ZNF141: variants seen among roughly 807,000 people sequenced by gnomAD.
The protein encoded by ZNF141 is zinc finger protein 141 (clone pHZ-44).
Under a neutral mutation model 11.3 loss-of-function variants are expected in ZNF141, and 7 were observed. The ratio of observed to expected loss-of-function variants is 0.62; its 90% CI spans 0.35 to 1.16. The LOEUF is 1.16. ZNF141 is among the 50% of genes most tolerant of loss of function. The probability of loss-of-function intolerance (pLI) is 0.02; values close to 1 mark genes in which losing one functional copy is unlikely to be tolerated. For synonymous variants in ZNF141, 183 were observed against 190.7 expected (o/e 0.96, Z 0.33); for missense variants, 535 against 554.0 (o/e 0.97, Z 0.34).
intron 3 of ZNF141, among the ~76,000 whole-genome samples, chr4:359,324 C>A (rs941433797): frequency 3.9e-5 from 6 of 152,188 alleles, no homozygotes; most frequent in Admixed American, 6.5e-5. Context: ...TTAATATCTG[C>A]AAATGGAGAT....
At chr4:356,797 G>A (rs1457603011) in intron 3 of ZNF141, among the ~76,000 whole-genome samples, 1 of 151,584 alleles carries the variant, frequency 6.6e-6, no homozygotes, top group African/African-American at 2.4e-5. Context: ...AGTGGTTTCT[G>A]TTTTTTAATT....
At chr4:366,139 T>C (rs1711730791) in intron 3 of ZNF141, among the ~76,000 whole-genome samples, 1 of 152,236 alleles carries the variant, frequency 6.6e-6, no homozygotes, top group African/African-American at 2.4e-5. Flanking sequence ...CCTGGTTAAT[T>C]TTAAGCTTGT....
intron 3 of ZNF141, among the ~76,000 whole-genome samples, chr4:352,254 G>A (rs1335013181): frequency 6.6e-6 from 1 of 152,172 alleles, no homozygotes; most frequent in African/African-American, 2.4e-5. Flanking sequence ...GGGCGTGGTG[G>A]TGGGCACCTG....
chr4:359,371 T>C (rs994183579), intron 3 of ZNF141, among the ~76,000 whole-genome samples: 1 of 152,198 alleles, frequency 6.6e-6, no homozygotes, highest in Non-Finnish European at 1.5e-5. Context: ...TGGCTCCTGC[T>C]GTTTGGCTCT....
intron 3 of ZNF141, among the ~76,000 whole-genome samples, chr4:357,021 C>T (rs1265096575): frequency 6.6e-6 from 1 of 152,118 alleles, no homozygotes. Context: ...GTGGTGCATT[C>T]ACAGTTGAGT....
At chr4:346,893 A>ACCCAC (rs781896435) in intron 3 of ZNF141, among the ~76,000 whole-genome samples, 2 of 135,436 alleles carry the variant, frequency 1.5e-5, no homozygotes, top group African/African-American at 3.2e-5. Flanking sequence ...ACACACACAC[A>ACCCAC]CCGCCCCCCC....
At chr4:358,619 C>A in intron 3 of ZNF141, 1 of 154,246 alleles carries the variant, frequency 6.5e-6, no homozygotes, top group East Asian at 1.9e-4. Flanking sequence ...TGTTCTGTTG[C>A]CAAGCTGGAG....
In ZNF141 at chr4:377,063, T is replaced by C. The variant is rs1712406002; in HGVS notation, c.*3201T>C. On this transcript the variant is annotated 3_prime_UTR_variant, in exon 4 of 4. Transcript: ENST00000240499. ...TAGATGTAATTTCATAATATATGTA[T>C]TAAGTTATTTTAGTTAGAACATTTC... is the stretch of plus-strand genomic sequence containing the variant. 1.3e-5 allele frequency among the ~76,000 whole-genome samples: 2 copies of C among 152,218 alleles called. No individual in the cohort carries two copies.
chr4:376,821 A>G lies in ZNF141; in HGVS notation c.*2959A>G, dbSNP rs1172977240. On this transcript the variant is annotated 3_prime_UTR_variant, in exon 4 of 4. Coordinates refer to ENST00000240499, the MANE Select transcript of ZNF141 (RefSeq NM_003441.4). ...GAAATCTAGAAGCCTGAAACATTCT[A>G]TATTTTCTTCTTTTTATTTAATGAC... is the stretch of plus-strand genomic sequence containing the variant. Among the ~76,000 whole-genome samples, 1 of 152,090 alleles carries G rather than the reference A, an allele frequency of 6.6e-6. No homozygotes were observed. The highest frequency in any genetic ancestry group is 2.4e-5 in the African/African-American group (1 of 41,450).
intron 3 of ZNF141, chr4:358,122 AT>A (rs1222657231): frequency 1.5e-5 from 5 of 334,772 alleles, no homozygotes; most frequent in Non-Finnish European, 2.8e-5. Context: ...TTGTTGTTAA[AT>A]TTTTTAGTTC....
rs114249806 is a variant in ZNF141, at chr4:382,358, A to G, written c.*8496A>G. On this transcript the variant is annotated 3_prime_UTR_variant, in exon 4 of 4. Transcript: ENST00000240499. ...TCGAAGCATACTCTGCTGGTTGGCT[A>G]AATTGCACTGGGAAAAAATAGCAGC... 0.014 allele frequency among the ~76,000 whole-genome samples: 2,202 copies of G among 152,240 alleles called. 57 individuals are homozygous for G. The highest frequency in any genetic ancestry group is 0.049 in the African/African-American group (2,021 of 41,540).
Position 373,372 on chromosome 4 carries a change from A to G in ZNF141, c.935A>G (p.Lys312Arg). The G allele has an allele frequency of 6.2e-7, 1 of 1,613,316 alleles. No homozygotes were observed. Among genetic ancestry groups the G allele is most frequent in the East Asian group, 2.2e-5 (1 of 44,804 alleles). The change falls in exon 4 of 4, where the codon AAA becomes AGA. Residue 312 changes from lysine (K) to arginine (R), a missense_variant. Coordinates refer to ENST00000240499, the MANE Select transcript of ZNF141 (RefSeq NM_003441.4). ...ATTCATACTGGAGAGAAACCCTACA[A>G]ATGTGAAGAATGTGGCAAAGCCTTT... Reference protein sequence around the residue: ...KRIHTGEKPYKCEECGKAFNR... With the variant: ...KRIHTGEKPYRCEECGKAFNR...
At position 380,905 on chromosome 4, in the gene ZNF141, G is replaced by A. The variant is rs59112282; in HGVS notation, c.*7043G>A. Among the ~76,000 whole-genome samples, 25,125 of 151,878 alleles carry A rather than the reference G, an allele frequency of 0.17. 2,803 individuals are homozygous for A. Among genetic ancestry groups the A allele is most frequent in the African/African-American group, 0.32 (13,230 of 41,358 alleles). On this transcript the variant is annotated 3_prime_UTR_variant, in exon 4 of 4. Coordinates refer to ENST00000240499, the MANE Select transcript of ZNF141 (RefSeq NM_003441.4). ...GTTGTCATATATGTGTGTGCAAAAC[G>A]TATAAAATATACAGAAAAGAGAAAT...
At chr4:367,644 G>T (rs1413061440) in intron 3 of ZNF141, among the ~76,000 whole-genome samples, 1 of 151,822 alleles carries the variant, frequency 6.6e-6, no homozygotes. Flanking sequence ...AGCCTCCTGA[G>T]TAGCTGGGAT....
In ZNF141 at chr4:374,254, C is replaced by A; in HGVS notation, c.*392C>A. ...CAAAGCATTTAATTGGTCCTCAATGCTTAATAAATATAATTCATGCTGGAG... is the reference window on the plus strand; with the variant it reads ...CAAAGCATTTAATTGGTCCTCAATGATTAATAAATATAATTCATGCTGGAG... On this transcript the variant is annotated 3_prime_UTR_variant, in exon 4 of 4. Transcript: ENST00000240499. 1 of 303,590 alleles carries A rather than the reference C, an allele frequency of 3.3e-6. No homozygotes were observed. The highest frequency in any genetic ancestry group is 6.5e-6 in the Non-Finnish European group (1 of 154,528). 18.8% of individuals were successfully genotyped at this position (303,590 alleles called of 1,614,324 possible). A position where few individuals can be genotyped will look rare whatever the true frequency, so the allele number is the denominator to read the frequency against.
rs1158907854 is a variant in ZNF141 at position 384,663 on chromosome 4, CTG to C, written c.*10804_*10805del. On this transcript the variant is annotated 3_prime_UTR_variant, in exon 4 of 4. Transcript: ENST00000240499. Reference sequence around the variant, plus strand: ...ATGGGTAATAACCAAGATGGAGTCACTGTGGTCAACTCCAGGCATGCACAGAT... The same window carrying C: ...ATGGGTAATAACCAAGATGGAGTCACTGGTCAACTCCAGGCATGCACAGAT... The C allele has an allele frequency of 6.6e-6, 1 of 152,186 alleles. No individual in the cohort carries two copies. Among genetic ancestry groups the C allele is most frequent in the Non-Finnish European group, 1.5e-5 (1 of 68,054 alleles). 9.4% of individuals were successfully genotyped at this position (152,186 alleles called of 1,614,324 possible). A position where few individuals can be genotyped will look rare whatever the true frequency, so the allele number is the denominator to read the frequency against.
Position 374,431 on chromosome 4 carries a change from G to T in ZNF141, c.*569G>T, listed in dbSNP as rs782680427. 8.6e-6 allele frequency: 3 copies of T among 347,720 alleles called. No homozygotes were observed. The highest frequency in any genetic ancestry group is 1.8e-5 in the Non-Finnish European group (3 of 170,258). The allele number at this position is 347,720 out of a possible 1,614,324, so 21.5% of individuals were successfully genotyped here. On this transcript the variant is annotated 3_prime_UTR_variant, in exon 4 of 4. Coordinates refer to ENST00000240499, the MANE Select transcript of ZNF141 (RefSeq NM_003441.4). ...TCCTCAAACTTTGTTAAACATAAGA[G>T]AATTTATACCAGAGAGAAACCCTAC...
chr4:358,275 C>T (rs550510220), intron 3 of ZNF141: 22 of 380,514 alleles, frequency 5.8e-5, no homozygotes, highest in African/African-American at 4.7e-4. Flanking sequence ...GCAACCTCTA[C>T]CTCCCGAGTT....
intron 3 of ZNF141, among the ~76,000 whole-genome samples, chr4:346,888 C>CAT (rs1721346477): frequency 8.0e-6 from 1 of 124,880 alleles, no homozygotes; most frequent in African/African-American, 3.4e-5. Flanking sequence ...TACACACACA[C>CAT]ACACACCGCC....
Sources: allele counts gnomAD v4.1 joint callset (sites outside exome capture counted in the v4.1 genomes callset), GRCh38; gene constraint gnomAD v4.1.1; transcripts MANE v1.5; gene names NCBI Gene and HGNC (gene_info 2026-07-23, HGNC 2026-07-21).